Variants in RNF14 observed in about 807,000 individuals in gnomAD.
RNF14 encodes the protein E3 ubiquitin-protein ligase RNF14.
RNF14 carries 26 observed loss-of-function variants against 52.6 expected under a neutral mutation model. The ratio of observed to expected loss-of-function variants is 0.49; its 90% CI spans 0.36 to 0.69. RNF14 has a LOEUF of 0.69. RNF14 is among the 30% of genes least tolerant of loss of function. The probability of loss-of-function intolerance (pLI) is 0.00; values close to 1 mark genes in which losing one functional copy is unlikely to be tolerated. For missense variants in RNF14, 404 were observed against 560.4 expected (o/e 0.72, Z 2.82); for synonymous variants, 194 against 202.0 (o/e 0.96, Z 0.34).
At chr5:141,968,977 G>C (rs1213341703), upstream of RNF14, 2 of 151,298 alleles carry the variant, frequency 1.3e-5, no homozygotes, top group East Asian at 3.9e-4. Context: ...CGGTGGTCGC[G>C]CCGGCAGCGC....
At chr5:141,957,201 A>G (rs1458073523), upstream of RNF14, 3 of 1,614,090 alleles carry the variant, frequency 1.9e-6, no homozygotes, top group Admixed American at 1.7e-5. The surrounding 1 kb of genome is among the most constrained non-coding windows in gnomAD (Gnocchi z 4.3). Context: ...TCCCATTGTC[A>G]TAGGCAGTTA....
chr5:141,952,299 G>A, the RNF14 span: 1 of 152,300 alleles, frequency 6.6e-6, no homozygotes, highest in South Asian at 2.1e-4. Context: ...GGGAGCAGAG[G>A]GCCCCTAACC....
chr5:141,984,873 C>T lies in RNF14; in HGVS notation c.1307C>T (p.Ser436Phe). 1.2e-6 allele frequency: 2 copies of T among 1,612,634 alleles called. No homozygotes were observed. The highest frequency in any genetic ancestry group is 8.5e-7 in the Non-Finnish European group (1 of 1,178,694). The change falls in exon 8 of 9, where the codon TCT (serine) becomes TTT (phenylalanine). Residue 436 changes from serine to phenylalanine, a missense_variant. Ser to Phe is a radical substitution (Grantham distance 155). Transcript: ENST00000394520. ...TATTTCTGTTGGATTTGCATGGGTT[C>T]TCTCTCTAGAGCAAACCCTTACAAA... Reference protein sequence around the residue: ...MQYFCWICMGSLSRANPYKHF... With the variant: ...MQYFCWICMGFLSRANPYKHF...
In RNF14 at chr5:141,984,920, C is replaced by G; in HGVS notation, c.1354C>G (p.Pro452Ala). 6.2e-7 allele frequency: 1 copy of G among 1,613,810 alleles called. No individual in the cohort carries two copies. The highest frequency in any genetic ancestry group is 8.5e-7 in the Non-Finnish European group (1 of 1,179,784). The change falls in exon 8 of 9, where the codon CCA (proline) becomes GCA (alanine). Residue 452 changes from proline to alanine, a missense_variant. Transcript: ENST00000394520. ...CAAACATTTCAATGACCCTGGTTCA[C>G]CATGTTTTAACCGGTATGTATACAC... ...PYKHFNDPGS[P>A]CFNRLFYAVD... is the part of the protein sequence containing the mutation.
chr5:141,955,573 C>T (rs139572685), upstream of RNF14: 19 of 1,614,048 alleles, frequency 1.2e-5, no homozygotes, highest in African/African-American at 8.0e-5. The surrounding 1 kb of genome is among the most constrained non-coding windows in gnomAD (Gnocchi z 5.5). Flanking sequence ...GGGCTGCTGG[C>T]GGTAGGTGGA....
At position 141,989,759 on chromosome 5, in the gene RNF14, A is replaced by C. The variant is rs958045272; in HGVS notation, c.*1969A>C. 1 of 151,988 alleles carries C rather than the reference A, an allele frequency of 6.6e-6. No homozygotes were observed. Among genetic ancestry groups the C allele is most frequent in the Non-Finnish European group, 1.5e-5 (1 of 68,000 alleles). The allele number at this position is 151,988 out of a possible 1,614,324, so 9.4% of individuals were successfully genotyped here. A position where few individuals can be genotyped will look rare whatever the true frequency, so the allele number is the denominator to read the frequency against. ...AAGATAAGAAATGGAAATTAAAATG[A>C]TTTGTTCTACAGTATATACCTGAGA... is the stretch of plus-strand genomic sequence containing the variant. On this transcript the variant is annotated 3_prime_UTR_variant, in exon 9 of 9. Transcript: ENST00000394520.
intron 4 of RNF14, among the ~76,000 whole-genome samples, chr5:141,975,533 A>C (rs531847629): frequency 2.4e-4 from 36 of 152,344 alleles, no homozygotes; most frequent in African/African-American, 7.9e-4. Context: ...TTGAGGCCTT[A>C]TGTTAAGCAC....
chr5:141,964,626 T>G (rs964500183), upstream of RNF14, among the ~76,000 whole-genome samples: 5 of 152,144 alleles, frequency 3.3e-5, no homozygotes, highest in Non-Finnish European at 7.4e-5. Flanking sequence ...TTTTGTTTTA[T>G]TTTTTGAGAC....
intron 6 of RNF14, among the ~76,000 whole-genome samples, chr5:141,981,094 AATG>A (rs1754734156): frequency 6.6e-6 from 1 of 152,236 alleles, no homozygotes; most frequent in Admixed American, 6.5e-5. Flanking sequence ...TAACAGGGAT[AATG>A]ATAACAGCTA....
chr5:141,985,087 A>C (rs1258019866), intron 8 of RNF14, among the ~76,000 whole-genome samples, 154 bp downstream of exon 8: 2 of 152,158 alleles, frequency 1.3e-5, no homozygotes, highest in Admixed American at 6.6e-5. Context: ...TATTTTCTCA[A>C]AAATGAGTTT....
At chr5:141,957,542 AG>A (rs1753206427), upstream of RNF14, 4 of 1,614,214 alleles carry the variant, frequency 2.5e-6, no homozygotes, top group Non-Finnish European at 3.4e-6. This position sits in a 1 kb window ranked among gnomAD's most constrained non-coding sequence, Gnocchi z 4.3. Flanking sequence ...GAAACCAGGC[AG>A]GGATCCCACT....
chr5:141,955,265 G>T (rs773668098), upstream of RNF14: 1 of 1,614,208 alleles, frequency 6.2e-7, no homozygotes, highest in South Asian at 1.1e-5. The surrounding 1 kb of genome is among the most constrained non-coding windows in gnomAD (Gnocchi z 5.5). Context: ...GGAAGGTTCA[G>T]GTTCTCCCGG....
At chr5:141,957,400 C>T (rs114795118), upstream of RNF14, 1,296 of 1,613,352 alleles carry the variant, frequency 8.0e-4, 12 homozygotes, top group African/African-American at 0.015. This position sits in a 1 kb window ranked among gnomAD's most constrained non-coding sequence, Gnocchi z 4.3. Context: ...GATCCGGGTT[C>T]GCAGAGAGGC....
upstream of RNF14, chr5:141,954,941 C>T: frequency 6.3e-7 from 1 of 1,586,814 alleles, no homozygotes; most frequent in Non-Finnish European, 8.6e-7. Context: ...CCAGGAGTGA[C>T]CAGAGAAAGA....
At chr5:141,969,361 C>G (rs1163029974) in intron 1 of RNF14, 194 bp downstream of exon 1, 1 of 152,668 alleles carries the variant, frequency 6.6e-6, no homozygotes, top group Admixed American at 6.5e-5. Flanking sequence ...GGACTCCCTT[C>G]GGGACGCTGA....
intron 4 of RNF14, among the ~76,000 whole-genome samples, chr5:141,976,776 C>CTTTTTTTT (rs70991717): frequency 1.0e-5 from 1 of 100,080 alleles, no homozygotes; most frequent in Non-Finnish European, 2.0e-5. Flanking sequence ...CTTTCTCTCT[C>CTTTTTTTT]TTTTTTTTTT....
At chr5:141,961,052 G>A (rs2126935711) in intron 1 of RNF14, among the ~76,000 whole-genome samples, 1 of 152,314 alleles carries the variant, frequency 6.6e-6, no homozygotes, top group African/African-American at 2.4e-5. Context: ...ACTCACTGAT[G>A]ACAATAGTAT....
intron 5 of RNF14, among the ~76,000 whole-genome samples, chr5:141,979,198 CTT>C (rs1754529147): frequency 6.6e-6 from 1 of 152,042 alleles, no homozygotes; most frequent in Non-Finnish European, 1.5e-5. Context: ...TTTTTATAGA[CTT>C]CAGCAGAAGT....
rs1414697145 is a variant in RNF14 at position 141,989,716 on chromosome 5, A to G, written c.*1926A>G. 5.3e-5 allele frequency: 8 copies of G among 150,018 alleles called. No homozygotes were observed. Among genetic ancestry groups the G allele is most frequent in the African/African-American group, 2.0e-4 (8 of 40,786 alleles). The allele number at this position is 150,018 out of a possible 1,614,324, so 9.3% of individuals were successfully genotyped here. A position where few individuals can be genotyped will look rare whatever the true frequency, so the allele number is the denominator to read the frequency against. ...TCAAAAAAAAAAAAAAAAAAAATTG[A>G]GGTTAAAGAATAAATTAAAGATAAG... On this transcript the variant is annotated 3_prime_UTR_variant, in exon 9 of 9. Transcript: ENST00000394520.
Sources: allele counts gnomAD v4.1 joint callset (sites outside exome capture counted in the v4.1 genomes callset), GRCh38; gene constraint gnomAD v4.1.1; non-coding constraint Gnocchi (gnomAD v3.1); transcripts MANE v1.5; gene names NCBI Gene and HGNC (gene_info 2026-07-23, HGNC 2026-07-21).